The following PDE7A variants were observed in gnomAD, a reference collection of about 807,000 sequenced individuals.
The protein encoded by PDE7A is phosphodiesterase 7A.
Under a neutral mutation model 64.3 loss-of-function variants are expected in PDE7A, and 39 were observed. That is an observed-to-expected ratio of 0.61 (90% CI 0.47 to 0.79). The LOEUF (loss-of-function observed/expected upper bound fraction) is 0.79. Ranked by LOEUF, PDE7A falls within the 30% of genes least tolerant of loss-of-function variation. The pLI is 0.00. For synonymous variants in PDE7A, 203 were observed against 206.8 expected (o/e 0.98, Z 0.16); for missense variants, 470 against 582.8 (o/e 0.81, Z 1.99).
At chr8:65,787,068 A>G (rs1354146822) in intron 1 of PDE7A, among the ~76,000 whole-genome samples, 2 of 152,242 alleles carry the variant, frequency 1.3e-5, no homozygotes, top group Non-Finnish European at 2.9e-5. Context: ...TTAAAGACAG[A>G]CATGTTTTAA....
chr8:65,841,941 C>G lies in PDE7A; in HGVS notation c.-433G>C. ...GCGGCCAGACCCAGGGCGCGCGGGA[C>G]TCAGGAGCAGCGACCAGCTCGGGCC... On this transcript the variant is annotated 5_prime_UTR_variant, in exon 1 of 13. Coordinates refer to ENST00000401827, the MANE Select transcript of PDE7A (RefSeq NM_001242318.3). 1 of 241,188 alleles carries G rather than the reference C, an allele frequency of 4.1e-6. No homozygotes were observed. The highest frequency in any genetic ancestry group is 7.8e-6 in the Non-Finnish European group (1 of 127,748). 14.9% of individuals were successfully genotyped at this position (241,188 alleles called of 1,614,324 possible).
intron 6 of PDE7A, among the ~76,000 whole-genome samples, chr8:65,736,931 G>A (rs939420391): frequency 2.0e-5 from 3 of 149,060 alleles, no homozygotes; most frequent in Non-Finnish European, 3.0e-5. Context: ...TGCCCAGGCT[G>A]GAGTGCAGTA....
At chr8:65,795,542 G>A (rs1490512420) in intron 1 of PDE7A, among the ~76,000 whole-genome samples, 1 of 152,158 alleles carries the variant, frequency 6.6e-6, no homozygotes, top group Non-Finnish European at 1.5e-5. Flanking sequence ...ACAACTACAG[G>A]AGAGTTCAGA....
intron 1 of PDE7A, among the ~76,000 whole-genome samples, chr8:65,806,712 C>T (rs1282707367): frequency 6.6e-6 from 1 of 152,200 alleles, no homozygotes; most frequent in East Asian, 1.9e-4. Context: ...CTGCGCTGGC[C>T]TTCATCCAAG....
rs1585830524 is a variant in PDE7A, at chr8:65,727,266, C to T, written c.732G>A (p.Leu244=). Residue 244 remains leucine, a synonymous_variant, in exon 8 of 13, where the codon CTG becomes CTA. Coordinates refer to ENST00000401827, the MANE Select transcript of PDE7A (RefSeq NM_001242318.3). ...CATGAGTGGCAGCTGCAATTAAGCTCAGCAAGATATCCCAAGGAGTTACAG... is the reference window on the plus strand; with the variant it reads ...CATGAGTGGCAGCTGCAATTAAGCTTAGCAAGATATCCCAAGGAGTTACAG... ...ANSVTPWDIL[L]SLIAAATHDL... The T allele has an allele frequency of 6.2e-7, 1 of 1,613,566 alleles. No individual in the cohort carries two copies. Among genetic ancestry groups the T allele is most frequent in the African/African-American group, 1.3e-5 (1 of 75,034 alleles).
intron 3 of PDE7A, among the ~76,000 whole-genome samples, chr8:65,772,919 A>C (rs1200474512): frequency 6.6e-6 from 1 of 152,282 alleles, no homozygotes; most frequent in East Asian, 1.9e-4. Context: ...GAGGTGGGAG[A>C]ATCACTTGAA....
chr8:65,798,164 A>ATGTG, intron 1 of PDE7A, among the ~76,000 whole-genome samples: 1 of 141,902 alleles, frequency 7.0e-6, no homozygotes, highest in East Asian at 2.0e-4. Context: ...AAATATATAC[A>ATGTG]TGTGTGTGTG....
chr8:65,837,420 A>G (rs1199620410), intron 1 of PDE7A, among the ~76,000 whole-genome samples: 1 of 152,148 alleles, frequency 6.6e-6, no homozygotes, highest in African/African-American at 2.4e-5. Flanking sequence ...ACTTTTTTGG[A>G]TTTTGGAGTA....
intron 1 of PDE7A, among the ~76,000 whole-genome samples, chr8:65,817,790 T>C (rs1435114974): frequency 6.7e-6 from 1 of 148,856 alleles, no homozygotes; most frequent in Non-Finnish European, 1.5e-5. Flanking sequence ...TCTCACTCTG[T>C]CGCCCAGGCT....
intron 3 of PDE7A, among the ~76,000 whole-genome samples, chr8:65,762,418 TGACATG>T: frequency 6.6e-6 from 1 of 152,310 alleles, no homozygotes; most frequent in Middle Eastern, 3.4e-3. Context: ...CAGCACGTGC[TGACATG>T]GAGAGGCAGA....
chr8:65,777,157 G>A lies in PDE7A; in HGVS notation c.283+2563C>T, dbSNP rs184798671. Among the ~76,000 whole-genome samples the A allele has an allele frequency of 1.8e-3, 240 of 135,078 alleles. 1 individual carries two copies. Among genetic ancestry groups the A allele is most frequent in the African/African-American group, 6.0e-3 (213 of 35,606 alleles). The allele number at this position is 135,078 out of a possible 152,430, so 88.6% of individuals were successfully genotyped here. A position where few individuals can be genotyped will look rare whatever the true frequency, so the allele number is the denominator to read the frequency against. On this transcript the variant is annotated intron_variant, in intron 3 of 12. Transcript: ENST00000401827. ...GAGTGCAATGCAATCCTGGCTAACC[G>A]CAACCTCTGCCTCCTGGGTTCAAGC...
intron 3 of PDE7A, among the ~76,000 whole-genome samples, chr8:65,769,051 C>T (rs1808940254): frequency 6.6e-6 from 1 of 151,914 alleles, no homozygotes; most frequent in Admixed American, 6.6e-5. Context: ...AGTTCAAGAC[C>T]AGCCTGGCCA....
chr8:65,821,217 TA>T (rs1217775740), intron 1 of PDE7A, among the ~76,000 whole-genome samples: 1 of 151,714 alleles, frequency 6.6e-6, no homozygotes, highest in Non-Finnish European at 1.5e-5. Context: ...GTATTTTTTT[TA>T]AGAGAAAATA....
chr8:65,768,832 A>G (rs983057404), intron 3 of PDE7A, among the ~76,000 whole-genome samples: 2 of 152,216 alleles, frequency 1.3e-5, no homozygotes, highest in South Asian at 4.1e-4. Context: ...TGCTAGAATA[A>G]TAGATAATAA....
At chr8:65,762,455 A>C (rs987170520) in intron 3 of PDE7A, among the ~76,000 whole-genome samples, 1 of 152,218 alleles carries the variant, frequency 6.6e-6, no homozygotes, top group African/African-American at 2.4e-5. Flanking sequence ...ACATGAGAAC[A>C]CAGGGGCTTA....
At chr8:65,755,601 T>A (rs760485777) in intron 3 of PDE7A, among the ~76,000 whole-genome samples, 1 of 152,352 alleles carries the variant, frequency 6.6e-6, no homozygotes, top group African/African-American at 2.4e-5. Context: ...ACCACAGACA[T>A]AATTATTGTT....
intron 3 of PDE7A, among the ~76,000 whole-genome samples, chr8:65,755,268 G>C (rs879789770): frequency 6.6e-6 from 1 of 152,014 alleles, no homozygotes; most frequent in African/African-American, 2.4e-5. Context: ...GGATCCACCC[G>C]CCTCAGCCTC....
chr8:65,809,129 CCTAAAT>C (rs1554570073), intron 1 of PDE7A, among the ~76,000 whole-genome samples: 1 of 152,166 alleles, frequency 6.6e-6, no homozygotes, highest in Non-Finnish European at 1.5e-5. Flanking sequence ...TCTCTCTGAA[CCTAAAT>C]CTTCTCATTT....
intron 3 of PDE7A, among the ~76,000 whole-genome samples, chr8:65,760,960 T>C (rs1343638682): frequency 2.0e-5 from 3 of 152,012 alleles, no homozygotes; most frequent in Admixed American, 1.3e-4. Context: ...GGAACAAGAG[T>C]GACTATGAGA....
Sources: allele counts gnomAD v4.1 joint callset (sites outside exome capture counted in the v4.1 genomes callset), GRCh38; gene constraint gnomAD v4.1.1; transcripts MANE v1.5; gene names NCBI Gene and HGNC (gene_info 2026-07-23, HGNC 2026-07-21).